Variants in HS3ST4 observed in about 807,000 individuals in gnomAD.
The protein encoded by HS3ST4 is heparan sulfate-glucosamine 3-sulfotransferase 4, also known as heparan sulfate glucosamine 3-O-sulfotransferase 4.
A neutral mutation model predicts 29.2 loss-of-function variants in HS3ST4; 17 were observed. The observed-to-expected ratio is 0.58, with a 90% CI of 0.40 to 0.87. The LOEUF is 0.87. Among genes scored for constraint, HS3ST4 ranks in the 40% least tolerant of loss-of-function variants. HS3ST4 has a pLI of 0.00. For missense variants in HS3ST4, 627 were observed against 634.5 expected (o/e 0.99, Z 0.13); for synonymous variants, 314 against 285.7 (o/e 1.10, Z -1.00).
chr16:26,102,418 T>A (rs1899000696), intron 1 of HS3ST4, among the ~76,000 whole-genome samples: 1 of 152,202 alleles, frequency 6.6e-6, no homozygotes, highest in Non-Finnish European at 1.5e-5. Context: ...TAAGGAAATG[T>A]CTCTTGGTTT....
At chr16:26,032,693 T>C in intron 1 of HS3ST4, 6 of 1,308,506 alleles carry the variant, frequency 4.6e-6, no homozygotes, top group Non-Finnish European at 6.6e-6. Flanking sequence ...CTTTTTAGTC[T>C]TGGGCTCTGG....
chr16:26,116,732 T>C (rs1253451592), intron 1 of HS3ST4, among the ~76,000 whole-genome samples: 1 of 152,232 alleles, frequency 6.6e-6, no homozygotes, highest in Non-Finnish European at 1.5e-5. Flanking sequence ...TATTTACTTA[T>C]CTGCTCATCC....
chr16:26,082,407 A>G (rs894688220), intron 1 of HS3ST4, among the ~76,000 whole-genome samples: 25 of 152,128 alleles, frequency 1.6e-4, no homozygotes, highest in Admixed American at 1.4e-3. Flanking sequence ...ACTCTTGTCT[A>G]CCTTTTAGAT....
At chr16:26,011,027 C>T (rs1490622933) in intron 1 of HS3ST4, among the ~76,000 whole-genome samples, 2 of 152,074 alleles carry the variant, frequency 1.3e-5, no homozygotes, top group African/African-American at 4.8e-5. Context: ...CTGCCTATAC[C>T]TTAAGCTCAG....
chr16:25,727,478 A>G (rs549360063), intron 1 of HS3ST4, among the ~76,000 whole-genome samples: 2 of 152,358 alleles, frequency 1.3e-5, no homozygotes, highest in South Asian at 2.1e-4. Flanking sequence ...AAAGGTTAGC[A>G]AGTATAAGAT....
At chr16:25,855,113 G>A (rs1194577188) in intron 1 of HS3ST4, among the ~76,000 whole-genome samples, 11 of 152,172 alleles carry the variant, frequency 7.2e-5, no homozygotes, top group Admixed American at 6.5e-4. Flanking sequence ...GGTCATAGGA[G>A]GATTTCAAAC....
chr16:25,898,869 A>G (rs1399215992), intron 1 of HS3ST4, among the ~76,000 whole-genome samples: 2 of 152,228 alleles, frequency 1.3e-5, no homozygotes, highest in Non-Finnish European at 2.9e-5. Context: ...AGAATTTATA[A>G]GGGAATACTT....
intron 1 of HS3ST4, among the ~76,000 whole-genome samples, chr16:25,907,228 T>A (rs971804161): frequency 6.6e-6 from 1 of 151,962 alleles, no homozygotes; most frequent in Non-Finnish European, 1.5e-5. Context: ...AAAAAGATAC[T>A]TTGGCAGGTG....
chr16:25,767,427 G>A (rs973364768), intron 1 of HS3ST4, among the ~76,000 whole-genome samples: 3 of 152,152 alleles, frequency 2.0e-5, no homozygotes, highest in Non-Finnish European at 4.4e-5. Flanking sequence ...CTCCTCGGGG[G>A]GTGGCTGAGT....
At chr16:26,009,478 C>T (rs1055115857) in intron 1 of HS3ST4, among the ~76,000 whole-genome samples, 1 of 152,196 alleles carries the variant, frequency 6.6e-6, no homozygotes, top group Non-Finnish European at 1.5e-5. Flanking sequence ...TCAGGATAGG[C>T]TAGCCTTTGC....
In HS3ST4 at chr16:26,072,047, A is replaced by G. The variant is rs1898609193; in HGVS notation, c.735-63565A>G. Among the ~76,000 whole-genome samples the G allele has an allele frequency of 5.3e-5, 8 of 152,186 alleles. No individual in the cohort carries two copies. The South Asian group carries it at 1.7e-3, about 32-fold the overall frequency. The stretch of plus-strand genomic sequence containing the variant: ...CTTTGGATTTTGATGCAGCTGAAGG[A>G]AGGATCATTACACATGAAGGGGAGA... On this transcript the variant is annotated intron_variant, in intron 1 of 1. Coordinates refer to ENST00000331351, the MANE Select transcript of HS3ST4 (RefSeq NM_006040.3).
At chr16:25,713,126 T>C (rs886522207) in intron 1 of HS3ST4, among the ~76,000 whole-genome samples, 1 of 152,196 alleles carries the variant, frequency 6.6e-6, no homozygotes, top group Non-Finnish European at 1.5e-5. Context: ...TGTATACATG[T>C]GCCATGGTAG....
chr16:26,016,131 A>G (rs1272695266), intron 1 of HS3ST4, among the ~76,000 whole-genome samples: 1 of 152,244 alleles, frequency 6.6e-6, no homozygotes, highest in East Asian at 1.9e-4. Context: ...TGGCTTGCAT[A>G]GATCAGAATG....
At chr16:26,068,793 A>G (rs1179981430) in intron 1 of HS3ST4, among the ~76,000 whole-genome samples, 2 of 151,760 alleles carry the variant, frequency 1.3e-5, no homozygotes, top group African/African-American at 4.8e-5. Flanking sequence ...GCTCTCTGGA[A>G]GCCAAATGCC....
At chr16:25,851,877 A>AAC (rs1967525769) in intron 1 of HS3ST4, among the ~76,000 whole-genome samples, 2 of 236 alleles carry the variant, frequency 8.5e-3, no homozygotes, top group Admixed American at 0.062. Flanking sequence ...GACACTTTCG[A>AAC]AGTTATTAAT....
chr16:25,997,960 G>C (rs770208937), intron 1 of HS3ST4, among the ~76,000 whole-genome samples: 4 of 152,126 alleles, frequency 2.6e-5, no homozygotes, highest in Non-Finnish European at 5.9e-5. Context: ...ATTCAGCCAG[G>C]CATGGTGATT....
At chr16:25,833,881 A>G (rs1239928269) in intron 1 of HS3ST4, among the ~76,000 whole-genome samples, 1 of 152,226 alleles carries the variant, frequency 6.6e-6, no homozygotes, top group Non-Finnish European at 1.5e-5. Context: ...TTCCATCCCC[A>G]GGATAAGAAT....
chr16:26,033,165 G>A (rs1411002388), intron 1 of HS3ST4, among the ~76,000 whole-genome samples: 1 of 152,128 alleles, frequency 6.6e-6, no homozygotes, highest in Admixed American at 6.5e-5. Context: ...GACTGCTTGA[G>A]CTCAGGAGTT....
At chr16:26,014,424 C>T (rs540192419) in intron 1 of HS3ST4, among the ~76,000 whole-genome samples, 1 of 152,210 alleles carries the variant, frequency 6.6e-6, no homozygotes, top group Admixed American at 6.5e-5. Context: ...GTTTGGTGTT[C>T]GAATTATTTC....
Sources: gnomAD v4.1 joint callset for allele counts (sites outside exome capture counted in the v4.1 genomes callset) on GRCh38, gnomAD v4.1.1 for gene constraint, MANE v1.5 for transcripts, NCBI Gene and HGNC (gene_info 2026-07-23, HGNC 2026-07-21) for gene names.